The following CCDC93 variants were observed in gnomAD, a reference collection of about 807,000 sequenced individuals.
CCDC93 encodes the protein coiled-coil domain-containing protein 93.
CCDC93 carries 61 observed loss-of-function variants against 108.2 expected under a neutral mutation model. The observed-to-expected ratio is 0.56, with a 90% CI of 0.46 to 0.70. The LOEUF (loss-of-function observed/expected upper bound fraction) is 0.70. Ranked by LOEUF, CCDC93 falls within the 30% of genes least tolerant of loss-of-function variation. The probability of loss-of-function intolerance (pLI) is 0.00; values close to 1 mark genes in which losing one functional copy is unlikely to be tolerated. For missense variants in CCDC93, 685 were observed against 764.2 expected, an observed-to-expected ratio of 0.90 and a Z score of 1.22; for synonymous variants, 276 against 260.4, an observed-to-expected ratio of 1.06 and a Z score of -0.58.
intron 23 of CCDC93, among the ~76,000 whole-genome samples, chr2:117,924,703 C>G (rs968491922): frequency 1.3e-5 from 2 of 152,226 alleles, no homozygotes; most frequent in Non-Finnish European, 2.9e-5. Context: ...GGAAAACACT[C>G]TGCAGGATAA....
At chr2:117,996,426 T>G in intron 4 of CCDC93, 64 bp from the exon 5 acceptor site, 2 of 1,111,470 alleles carry the variant, frequency 1.8e-6, no homozygotes, top group African/African-American at 1.5e-5. Context: ...TGAAGGCCAG[T>G]TCAGACATGG....
chr2:117,974,731 G>A (rs1162089726), intron 10 of CCDC93, 119 bp downstream of exon 10: 1 of 703,050 alleles, frequency 1.4e-6, no homozygotes, highest in Non-Finnish European at 2.5e-6. Context: ...CTGGGGAAGA[G>A]GAGGTACTGT....
chr2:117,997,295 A>G (rs1680685229), intron 4 of CCDC93: 1 of 152,220 alleles, frequency 6.6e-6, no homozygotes, highest in South Asian at 2.1e-4. Context: ...CTCTGAGGGT[A>G]AGGGTGTAAA....
At chr2:117,952,470 T>C (rs759279034) in intron 12 of CCDC93, 35 bp from the exon 13 acceptor site, 3 of 1,424,054 alleles carry the variant, frequency 2.1e-6, no homozygotes. Context: ...ATGCTCTCAT[T>C]TGATCCTTAT....
At chr2:117,923,903 C>T (rs1677981796) in intron 23 of CCDC93, among the ~76,000 whole-genome samples, 1 of 152,220 alleles carries the variant, frequency 6.6e-6, no homozygotes, top group Admixed American at 6.5e-5. Context: ...TGACACATCA[C>T]ACAGCTGGGT....
intron 23 of CCDC93, among the ~76,000 whole-genome samples, chr2:117,924,009 AGGTAAACAAGGTCTGGAGT>A (rs541243893): frequency 6.6e-6 from 1 of 152,224 alleles, no homozygotes; most frequent in Non-Finnish European, 1.5e-5. Flanking sequence ...GCTGATACCA[AGGTAAACAAGGTCTGGAGT>A]GGACCTCCAG....
intron 9 of CCDC93, 57 bp from the exon 10 acceptor site, chr2:117,974,957 G>T: frequency 7.2e-7 from 1 of 1,390,010 alleles, no homozygotes; most frequent in Non-Finnish European, 1.0e-6. Context: ...TAAGACAGAA[G>T]CAATATGCCT....
chr2:118,009,986 G>A (rs991152685), intron 1 of CCDC93, among the ~76,000 whole-genome samples: 1 of 151,860 alleles, frequency 6.6e-6, no homozygotes, highest in Non-Finnish European at 1.5e-5. Context: ...GCACGGTGGC[G>A]CAATCTCGGC....
intron 23 of CCDC93, among the ~76,000 whole-genome samples, chr2:117,922,856 A>G (rs10172280): frequency 0.37 from 55,497 of 151,992 alleles, 10,939 homozygotes; most frequent in African/African-American, 0.49. Flanking sequence ...GATATGGGGT[A>G]GAGGCTGTGG....
intron 4 of CCDC93, 74 bp downstream of exon 4, chr2:118,000,747 C>A (rs1320001062): frequency 2.2e-6 from 2 of 911,226 alleles, no homozygotes; most frequent in African/African-American, 1.6e-5. Flanking sequence ...CAGACGGACC[C>A]ATTACAGGAC....
chr2:118,011,790 T>C (rs1414067746), intron 1 of CCDC93, among the ~76,000 whole-genome samples: 1 of 152,096 alleles, frequency 6.6e-6, no homozygotes, highest in African/African-American at 2.4e-5. Flanking sequence ...CATGGAGAAG[T>C]TTACTTTTGC....
intron 12 of CCDC93, among the ~76,000 whole-genome samples, chr2:117,956,322 C>A (rs530805100): frequency 6.6e-6 from 1 of 152,164 alleles, no homozygotes; most frequent in South Asian, 2.1e-4. Flanking sequence ...GTGTTCTGAA[C>A]CAACTGCAAA....
chr2:117,989,270 T>G (rs952557290), intron 6 of CCDC93, among the ~76,000 whole-genome samples: 8 of 152,140 alleles, frequency 5.3e-5, no homozygotes, highest in Non-Finnish European at 2.9e-5. Flanking sequence ...CTCCCCCCTG[T>G]GTGATGCTGA....
intron 3 of CCDC93, among the ~76,000 whole-genome samples, chr2:118,002,867 T>G (rs1370902940): frequency 6.6e-6 from 1 of 152,166 alleles, no homozygotes; most frequent in African/African-American, 2.4e-5. Context: ...TAAGACCTTG[T>G]CTGCATAAAA....
chr2:117,995,293 A>G (rs976957837), intron 6 of CCDC93, 153 bp downstream of exon 6: 4 of 684,834 alleles, frequency 5.8e-6, no homozygotes, highest in South Asian at 3.5e-5. Context: ...TGAGCAGTAA[A>G]GCAGGCGGGG....
intron 2 of CCDC93, among the ~76,000 whole-genome samples, chr2:118,007,221 G>C (rs1676897329): frequency 6.6e-6 from 1 of 152,234 alleles, no homozygotes; most frequent in Admixed American, 6.5e-5. Context: ...GGGCAGCAAG[G>C]CTGACATTTT....
At position 117,920,379 on chromosome 2, in the gene CCDC93, C is replaced by G; in HGVS notation, c.1860G>C (p.Glu620Asp). Residue 620 changes from glutamate (E) to aspartate (D), a missense_variant, in exon 24 of 24, where the codon GAG becomes GAC. Glu to Asp is a conservative substitution (Grantham distance 45, BLOSUM62 2). Transcript: ENST00000376300. ...KEFKEEGRKN[E>D]MLLSKVKAKA... Reference sequence around the variant, plus strand: ...TCGCTTTCACCTTGGACAGCAGCATCTCGTTCTTGCGGCCCTCCTGGAGGG... The same window carrying G: ...TCGCTTTCACCTTGGACAGCAGCATGTCGTTCTTGCGGCCCTCCTGGAGGG... 1 of 1,613,138 alleles carries G rather than the reference C, an allele frequency of 6.2e-7. No homozygotes were observed. The highest frequency in any genetic ancestry group is 2.2e-5 in the East Asian group (1 of 44,868).
At position 117,985,994 on chromosome 2, in the gene CCDC93, G is replaced by A; in HGVS notation, c.595C>T (p.His199Tyr). 1 of 1,612,556 alleles carries A rather than the reference G, an allele frequency of 6.2e-7. No homozygotes were observed. The highest frequency in any genetic ancestry group is 8.5e-7 in the Non-Finnish European group (1 of 1,178,768). Residue 199 changes from histidine to tyrosine, a missense_variant, in exon 7 of 24, where the codon CAT becomes TAT. His to Tyr is a moderately conservative substitution (Grantham distance 83, BLOSUM62 2). Transcript: ENST00000376300. ...CTGCCATATTCCAAAAGTGTAGCAT[G>A]GATTCGAGATTCTTCATCAAGTAGC... ...EELLDEESRI[H>Y]ATLLEYGRRY... is the part of the protein sequence containing the mutation.
At chr2:117,991,046 C>A (rs747669126) in intron 6 of CCDC93, among the ~76,000 whole-genome samples, 4 of 151,460 alleles carry the variant, frequency 2.6e-5, no homozygotes, top group African/African-American at 7.3e-5. Flanking sequence ...GGCCACATAA[C>A]CAAAGATGAA....
Sources: allele counts gnomAD v4.1 joint callset (sites outside exome capture counted in the v4.1 genomes callset), GRCh38; gene constraint gnomAD v4.1.1; transcripts MANE v1.5; gene names NCBI Gene and HGNC (gene_info 2026-07-23, HGNC 2026-07-21).